The following TLK1 variants were observed in gnomAD, a reference collection of about 807,000 sequenced individuals.
TLK1 encodes the protein serine/threonine-protein kinase tousled-like 1.
In TLK1, 24 loss-of-function variants were observed where a neutral mutation model predicts 105.3. The ratio of observed to expected loss-of-function variants is 0.23; its 90% confidence interval spans 0.17 to 0.32. The LOEUF is 0.32. Ranked by LOEUF, TLK1 falls within the 10% of genes least tolerant of loss-of-function variation. The pLI is 1.00. For synonymous variants in TLK1, 321 were observed against 310.4 expected (o/e 1.03, Z -0.36); for missense variants, 558 against 910.5 (o/e 0.61, Z 4.98).
intron 3 of TLK1, among the ~76,000 whole-genome samples, chr2:171,061,721 T>G (rs956345340): frequency 1.3e-5 from 2 of 152,236 alleles, no homozygotes; most frequent in African/African-American, 4.8e-5. Flanking sequence ...CTATGGCCTA[T>G]GGGCCTAATC....
intron 9 of TLK1, 56 bp downstream of exon 9, chr2:171,050,008 C>G: frequency 6.2e-7 from 1 of 1,610,186 alleles, no homozygotes; most frequent in South Asian, 1.1e-5. Flanking sequence ...TAAAAGCATA[C>G]AAAGCAAAAG....
intron 2 of TLK1, among the ~76,000 whole-genome samples, chr2:171,085,937 T>C (rs1688953482): frequency 6.6e-6 from 1 of 152,228 alleles, no homozygotes; most frequent in Admixed American, 6.5e-5. Context: ...TTGTTTTCAG[T>C]ACCCACTTTG....
chr2:171,011,283 C>G, intron 14 of TLK1, 90 bp downstream of exon 14: 2 of 1,139,534 alleles, frequency 1.8e-6, no homozygotes. Flanking sequence ...TGTGAGCCAC[C>G]ATGCCCAGAC....
chr2:171,142,485 C>G (rs183162845), intron 1 of TLK1, among the ~76,000 whole-genome samples: 4 of 152,156 alleles, frequency 2.6e-5, no homozygotes, highest in South Asian at 2.1e-4. Context: ...TGCCTTAACA[C>G]TAGATTAAAA....
At chr2:171,041,587 C>T (rs569743885) in intron 11 of TLK1, among the ~76,000 whole-genome samples, 36 of 152,150 alleles carry the variant, frequency 2.4e-4, no homozygotes, top group Middle Eastern at 3.2e-3. Context: ...TTGTGAACTG[C>T]GCATGCAAGG....
At chr2:171,210,243 T>C (rs1423035784) in intron 1 of TLK1, among the ~76,000 whole-genome samples, 4 of 152,152 alleles carry the variant, frequency 2.6e-5, no homozygotes, top group African/African-American at 4.8e-5. Flanking sequence ...AATAAGGTTA[T>C]AATGCCACTC....
upstream of TLK1, among the ~76,000 whole-genome samples, chr2:171,164,089 A>G (rs1047722399): frequency 1.3e-5 from 2 of 152,222 alleles, no homozygotes; most frequent in Admixed American, 6.5e-5. Context: ...AGAGGATTAC[A>G]GCATATACAT....
intron 12 of TLK1, among the ~76,000 whole-genome samples, chr2:171,027,788 A>C (rs6433279): frequency 3.3e-5 from 5 of 152,202 alleles, no homozygotes; most frequent in Admixed American, 6.5e-5. Flanking sequence ...TCCTCCACTA[A>C]AGGGATATGG....
intron 3 of TLK1, among the ~76,000 whole-genome samples, chr2:171,069,717 G>A (rs1479024347): frequency 1.3e-5 from 2 of 152,096 alleles, no homozygotes; most frequent in Non-Finnish European, 2.9e-5. Context: ...TTCATTCTGA[G>A]TTTACAGTGA....
At chr2:171,133,243 A>G (rs182851122) in intron 1 of TLK1, among the ~76,000 whole-genome samples, 2 of 152,296 alleles carry the variant, frequency 1.3e-5, no homozygotes, top group Non-Finnish European at 2.9e-5. Flanking sequence ...AGAAAATAGG[A>G]GCCTAACTAG....
rs892662619 is a variant in TLK1, at chr2:170,991,429, C to T, written c.*2351G>A. The T allele has an allele frequency of 6.6e-6, 1 of 152,184 alleles. No individual in the cohort carries two copies. Among genetic ancestry groups the T allele is most frequent in the African/African-American group, 2.4e-5 (1 of 41,448 alleles). The allele number at this position is 152,184 out of a possible 1,614,324, so 9.4% of individuals were successfully genotyped here. ...ATCTTGGTTAGCCATCTTGGACCTG[C>T]TGGGTCACTGGCATGTTATTCAAAA... On this transcript the variant is annotated 3_prime_UTR_variant, in exon 21 of 21. Transcript: ENST00000431350.
chr2:171,153,052 G>T (rs563589201), intron 1 of TLK1, among the ~76,000 whole-genome samples: 1 of 152,176 alleles, frequency 6.6e-6, no homozygotes, highest in South Asian at 2.1e-4. Flanking sequence ...CAAAAGTTTA[G>T]AAGTAAAATG....
chr2:171,209,222 G>A (rs962448882), intron 1 of TLK1, among the ~76,000 whole-genome samples: 1 of 152,130 alleles, frequency 6.6e-6, no homozygotes, highest in Non-Finnish European at 1.5e-5. Flanking sequence ...AGGAAACATT[G>A]GAAGAATACA....
At position 171,058,141 on chromosome 2, in the gene TLK1, AT is replaced by A. The variant is rs773884092; in HGVS notation, c.453+9del. ...AATTAGGAAATGGAGACAATCCTCA[AT>A]GAACTTACTTCAAAATAGTCGCTAA... On this transcript the variant is annotated intron_variant, in intron 5 of 20. Transcript: ENST00000431350. The A allele has an allele frequency of 6.2e-7, 1 of 1,613,336 alleles. No homozygotes were observed. The highest frequency in any genetic ancestry group is 1.1e-5 in the South Asian group (1 of 91,060).
At chr2:171,055,476 T>C (rs7604392) in intron 6 of TLK1, among the ~76,000 whole-genome samples, 19,226 of 151,412 alleles carry the variant, frequency 0.13, 1,698 homozygotes, top group African/African-American at 0.24. Context: ...AAAAAAAAAA[T>C]AAGGCCAAAT....
At chr2:171,062,835 C>T (rs1007305107) in intron 3 of TLK1, among the ~76,000 whole-genome samples, 1 of 152,136 alleles carries the variant, frequency 6.6e-6, no homozygotes, top group Non-Finnish European at 1.5e-5. Flanking sequence ...CAATGAAATG[C>T]CAGTATGTTT....
In TLK1 at chr2:171,160,408, ACTG is replaced by A; in HGVS notation, c.18_20del (p.Ser7del). The A allele has an allele frequency of 6.2e-7, 1 of 1,602,910 alleles. No individual in the cohort carries two copies. The highest frequency in any genetic ancestry group is 1.7e-4 in the Middle Eastern group (1 of 5,826). ...AAGATGGCGGCCCCTCCAAACTTCC[ACTG>A]CTACTTTGGACACTCATCAAGCTAC... is the stretch of plus-strand genomic sequence containing the variant. On this transcript the variant is annotated inframe_deletion, in exon 1 of 21. Coordinates refer to ENST00000431350, the MANE Select transcript of TLK1 (RefSeq NM_012290.5). This position sits in a 1 kb window ranked among gnomAD's most constrained non-coding sequence, Gnocchi z 4.4.
intron 11 of TLK1, among the ~76,000 whole-genome samples, chr2:171,043,684 G>A (rs1476009266): frequency 6.6e-6 from 1 of 152,112 alleles, no homozygotes; most frequent in African/African-American, 2.4e-5. Flanking sequence ...GGACATATCT[G>A]GTATCTAGCA....
At position 171,190,823 on chromosome 2, in the gene TLK1, A is replaced by G. The variant is rs564312247; in HGVS notation, c.-6+40322T>C. Among the ~76,000 whole-genome samples the G allele has an allele frequency of 2.6e-5, 4 of 152,268 alleles. No homozygotes were observed. The South Asian group carries it at 8.3e-4, about 32-fold the overall frequency. On this transcript the variant is annotated intron_variant, in intron 1 of 20. Coordinates refer to the TLK1 transcript ENST00000521943. ...TTTATCAGTTTTTAAAATCTAATTT[A>G]TTGTGATTTCTTTCCTTATTTTAAA...
Sources: allele counts gnomAD v4.1 joint callset (sites outside exome capture counted in the v4.1 genomes callset), GRCh38; gene constraint gnomAD v4.1.1; non-coding constraint Gnocchi (gnomAD v3.1); transcripts MANE v1.5; gene names NCBI Gene and HGNC (gene_info 2026-07-23, HGNC 2026-07-21).